SGPP2: variants seen among roughly 807,000 people sequenced by gnomAD.
The protein encoded by SGPP2 is sphingosine-1-phosphate phosphatase 2.
Under a neutral mutation model 33.9 loss-of-function variants are expected in SGPP2, and 30 were observed. The ratio of observed to expected loss-of-function variants is 0.89; its 90% CI spans 0.66 to 1.20. SGPP2 has a LOEUF of 1.20. Among genes scored for constraint, SGPP2 ranks in the 50% most tolerant of loss-of-function variants. SGPP2 has a pLI of 0.00. For synonymous variants in SGPP2, 233 were observed against 225.0 expected (o/e 1.04, Z -0.32); for missense variants, 458 against 532.1 (o/e 0.86, Z 1.37).
chr2:222,447,608 G>C (rs1482680649), intron 1 of SGPP2, among the ~76,000 whole-genome samples: 2 of 152,176 alleles, frequency 1.3e-5, no homozygotes, highest in Non-Finnish European at 2.9e-5. Context: ...TCAGACACAA[G>C]TTAAATAACA....
At chr2:222,534,110 C>T (rs1289329793) in intron 4 of SGPP2, among the ~76,000 whole-genome samples, 2 of 152,224 alleles carry the variant, frequency 1.3e-5, no homozygotes, top group Non-Finnish European at 1.5e-5. Context: ...ATTTTTCCTA[C>T]TCTTTCAAAG....
intron 3 of SGPP2, among the ~76,000 whole-genome samples, chr2:222,522,374 T>C (rs1698699238): frequency 6.6e-6 from 1 of 152,204 alleles, no homozygotes; most frequent in South Asian, 2.1e-4. Flanking sequence ...CCCCAGGGCC[T>C]GGGGCCGCAA....
chr2:222,535,378 A>T (rs1698897848), intron 4 of SGPP2, among the ~76,000 whole-genome samples: 1 of 96,234 alleles, frequency 1.0e-5, no homozygotes, highest in Non-Finnish European at 2.2e-5. Flanking sequence ...ACTCTGTCTC[A>T]AAAAAAAAAA....
chr2:222,482,548 C>T (rs554315818), intron 2 of SGPP2, among the ~76,000 whole-genome samples: 15 of 148,854 alleles, frequency 1.0e-4, no homozygotes, highest in Non-Finnish European at 1.3e-4. Flanking sequence ...AGGCATGTAG[C>T]ATCACACCTG....
Position 222,525,049 on chromosome 2 carries a change from C to G in SGPP2, c.648+16C>G, listed in dbSNP as rs1457134757. The G allele has an allele frequency of 6.2e-7, 1 of 1,602,684 alleles. No homozygotes were observed. The highest frequency in any genetic ancestry group is 1.3e-5 in the African/African-American group (1 of 74,592). ...TACGGTCCTGGTAAGGCTTTGTGGTCAGGTCTTGTGGTGATTGTTTGAATG... is the reference window on the plus strand; with the variant it reads ...TACGGTCCTGGTAAGGCTTTGTGGTGAGGTCTTGTGGTGATTGTTTGAATG... On this transcript the variant is annotated intron_variant, in intron 4 of 4. Transcript: ENST00000321276.
chr2:222,509,069 T>A (rs1038806339), intron 2 of SGPP2, among the ~76,000 whole-genome samples: 14 of 152,076 alleles, frequency 9.2e-5, no homozygotes, highest in Non-Finnish European at 2.1e-4. Flanking sequence ...CACCAAGAAT[T>A]GCTTTTAATT....
intron 2 of SGPP2, among the ~76,000 whole-genome samples, chr2:222,501,994 G>C (rs1698374705): frequency 6.6e-6 from 1 of 152,172 alleles, no homozygotes. Flanking sequence ...GGTACCACTA[G>C]AATGACCAGA....
intron 1 of SGPP2, among the ~76,000 whole-genome samples, chr2:222,427,605 G>A (rs1056355470): frequency 2.0e-5 from 3 of 152,086 alleles, no homozygotes; most frequent in African/African-American, 7.2e-5. Context: ...AAAAAAAAAT[G>A]AGTGAATGTT....
intron 1 of SGPP2, among the ~76,000 whole-genome samples, chr2:222,453,354 G>T (rs1340331643): frequency 6.6e-6 from 1 of 152,158 alleles, no homozygotes; most frequent in Admixed American, 6.5e-5. Flanking sequence ...AAAAGGCTAA[G>T]GCAGCGTTAA....
At chr2:222,501,545 T>C (rs1448787900) in intron 2 of SGPP2, among the ~76,000 whole-genome samples, 1 of 152,108 alleles carries the variant, frequency 6.6e-6, no homozygotes, top group Non-Finnish European at 1.5e-5. Flanking sequence ...AATTAGGTGT[T>C]CGATGTTAAT....
At chr2:222,428,378 T>C (rs1697102921) in intron 1 of SGPP2, among the ~76,000 whole-genome samples, 1 of 152,214 alleles carries the variant, frequency 6.6e-6, no homozygotes, top group African/African-American at 2.4e-5. Flanking sequence ...ATAATGGTAT[T>C]TTGATTTCTA....
intron 2 of SGPP2, among the ~76,000 whole-genome samples, chr2:222,486,467 G>A (rs943553835): frequency 2.6e-5 from 4 of 152,232 alleles, no homozygotes; most frequent in Non-Finnish European, 5.9e-5. Context: ...AATAAATAAC[G>A]TTATAGAATT....
At chr2:222,518,736 GT>G (rs1009199153) in intron 2 of SGPP2, among the ~76,000 whole-genome samples, 7 of 152,192 alleles carry the variant, frequency 4.6e-5, no homozygotes, top group African/African-American at 1.7e-4. Context: ...AAGTTTCAAA[GT>G]CTGATTCGAA....
At position 222,424,737 on chromosome 2, in the gene SGPP2, C is replaced by G; in HGVS notation, c.135C>G (p.Val45=). The change falls in exon 1 of 5, where the codon GTC becomes GTG. Residue 45 remains valine, a synonymous_variant. Transcript: ENST00000321276. The part of the protein sequence containing the change: ...GADPTERAAR[V]PGVEHLPAAN... ...ACCCCACGGAGCGCGCGGCGCGGGTCCCCGGGGTCGAGCATCTCCCCGCAG... is the reference window on the plus strand; with the variant it reads ...ACCCCACGGAGCGCGCGGCGCGGGTGCCCGGGGTCGAGCATCTCCCCGCAG... The G allele has an allele frequency of 7.0e-7, 1 of 1,429,158 alleles. No individual in the cohort carries two copies. The highest frequency in any genetic ancestry group is 1.4e-5 in the South Asian group (1 of 71,344). The allele number at this position is 1,429,158 out of a possible 1,614,324, so 88.5% of individuals were successfully genotyped here. A position where few individuals can be genotyped will look rare whatever the true frequency, so the allele number is the denominator to read the frequency against.
intron 1 of SGPP2, among the ~76,000 whole-genome samples, chr2:222,472,420 T>A (rs1290654905): frequency 6.6e-6 from 1 of 152,028 alleles, no homozygotes; most frequent in Non-Finnish European, 1.5e-5. Context: ...TCATGAGTCA[T>A]GGGTCTAGGT....
At position 222,558,767 on chromosome 2, in the gene SGPP2, G is replaced by C; in HGVS notation, c.1069G>C (p.Val357Leu). The C allele has an allele frequency of 6.2e-7, 1 of 1,614,146 alleles. No homozygotes were observed. The highest frequency in any genetic ancestry group is 8.5e-7 in the Non-Finnish European group (1 of 1,180,032). Residue 357 changes from valine (V) to leucine (L), a missense_variant, in exon 5 of 5, where the codon GTC becomes CTC. Val to Leu is a conservative substitution (Grantham distance 32, BLOSUM62 1). Coordinates refer to ENST00000321276, the MANE Select transcript of SGPP2 (RefSeq NM_152386.4). ...AGTATTATACTCATGGTTCAAGGTGGTCACCAGGAACAAGGAGGCCAGGCG... is the reference window on the plus strand; with the variant it reads ...AGTATTATACTCATGGTTCAAGGTGCTCACCAGGAACAAGGAGGCCAGGCG... ...LQVLYSWFKVVTRNKEARRRL... is the reference protein window; with the variant it reads ...LQVLYSWFKVLTRNKEARRRL...
intron 1 of SGPP2, among the ~76,000 whole-genome samples, chr2:222,470,621 G>T (rs1697824345): frequency 6.6e-6 from 1 of 152,154 alleles, no homozygotes; most frequent in Non-Finnish European, 1.5e-5. Context: ...TGTTTACTAG[G>T]TCTCAGGTCG....
In SGPP2 at chr2:222,558,921, C is replaced by A. The variant is rs1020830615; in HGVS notation, c.*23C>A. 6.3e-7 allele frequency: 1 copy of A among 1,586,650 alleles called. No individual in the cohort carries two copies. On this transcript the variant is annotated 3_prime_UTR_variant, in exon 5 of 5. Coordinates refer to ENST00000321276, the MANE Select transcript of SGPP2 (RefSeq NM_152386.4). ...TGAGTCTCAAACAGTTGGAAACTAGCCCACTGGACATGAAAGCCAAGACAT... is the reference window on the plus strand; with the variant it reads ...TGAGTCTCAAACAGTTGGAAACTAGACCACTGGACATGAAAGCCAAGACAT...
chr2:222,424,779 C>T lies in SGPP2; in HGVS notation c.177C>T (p.Gly59=), dbSNP rs908303227. The T allele has an allele frequency of 2.1e-6, 3 of 1,397,556 alleles. No homozygotes were observed. The East Asian group carries it at 9.3e-5, about 43-fold the overall frequency. The allele number at this position is 1,397,556 out of a possible 1,614,324, so 86.6% of individuals were successfully genotyped here. A position where few individuals can be genotyped will look rare whatever the true frequency, so the allele number is the denominator to read the frequency against. ...EHLPAANGKG[G]EAPANGLRRA... ...TCCCCGCAGCCAACGGCAAGGGCGG[C>T]GAGGCTCCGGCCAACGGGCTGCGCA... The change falls in exon 1 of 5, where the codon GGC becomes GGT. Residue 59 remains glycine, a synonymous_variant. Coordinates refer to ENST00000321276, the MANE Select transcript of SGPP2 (RefSeq NM_152386.4).
Sources: allele counts gnomAD v4.1 joint callset (sites outside exome capture counted in the v4.1 genomes callset), GRCh38; gene constraint gnomAD v4.1.1; transcripts MANE v1.5; gene names NCBI Gene and HGNC (gene_info 2026-07-23, HGNC 2026-07-21).